The following TEX15 variants were observed in gnomAD, a reference collection of about 807,000 sequenced individuals.
TEX15 encodes testis-expressed protein 15.
A neutral mutation model predicts 237.3 loss-of-function variants in TEX15; 171 were observed. The ratio of observed to expected loss-of-function variants is 0.72; its 90% CI spans 0.64 to 0.82. The LOEUF (loss-of-function observed/expected upper bound fraction) is 0.82. TEX15 is among the 40% of genes least tolerant of loss of function. TEX15 has a pLI of 0.00. For missense variants in TEX15, 3,750 were observed against 3,646.5 expected, an observed-to-expected ratio of 1.03 and a Z score of -0.73; for synonymous variants, 1,338 against 1,269.8, an observed-to-expected ratio of 1.05 and a Z score of -1.14.
rs1362817335 is a variant in TEX15 at position 30,831,803 on chromosome 8, CTGAGGG to C, written c.*1477_*1482del. The C allele has an allele frequency of 2.0e-5, 3 of 152,204 alleles. No homozygotes were observed. Among genetic ancestry groups the C allele is most frequent in the African/African-American group, 7.2e-5 (3 of 41,534 alleles). The allele number at this position is 152,204 out of a possible 1,614,324, so 9.4% of individuals were successfully genotyped here. ...CCATAACCAAACATAAACCAAATGA[CTGAGGG>C]AAACATAAATCAAATGGCTGTTATT... On this transcript the variant is annotated 3_prime_UTR_variant, in exon 11 of 11. Transcript: ENST00000643185.
intron 2 of TEX15, among the ~76,000 whole-genome samples, chr8:30,897,217 GT>G (rs1004544503): frequency 1.3e-5 from 2 of 152,134 alleles, no homozygotes; most frequent in Non-Finnish European, 2.9e-5. Context: ...CCTCATTTGT[GT>G]TTTGGTAAGG....
rs953737744 is a variant in TEX15 at position 30,832,058 on chromosome 8, A to C, written c.*1228T>G. ...CTTTTTAAAGATCTCTATGTTAAAG[A>C]AGCAGCTTAGGTATTCTGAATTCCA... On this transcript the variant is annotated 3_prime_UTR_variant, in exon 11 of 11. Coordinates refer to ENST00000643185, the MANE Select transcript of TEX15 (RefSeq NM_001350162.2). 4 of 152,196 alleles carry C rather than the reference A, an allele frequency of 2.6e-5. No homozygotes were observed. The allele number at this position is 152,196 out of a possible 1,614,324, so 9.4% of individuals were successfully genotyped here.
chr8:30,866,625 CTT>C (rs1202941421), intron 5 of TEX15, among the ~76,000 whole-genome samples: 1 of 151,976 alleles, frequency 6.6e-6, no homozygotes, highest in Non-Finnish European at 1.5e-5. Context: ...ATGGATACTT[CTT>C]ATTCCAGAGA....
intron 5 of TEX15, among the ~76,000 whole-genome samples, chr8:30,860,608 A>G (rs1228896368): frequency 1.4e-5 from 2 of 138,806 alleles, no homozygotes; most frequent in South Asian, 4.5e-4. Flanking sequence ...TCTGTCACCC[A>G]GGCTGGAGTG....
chr8:30,846,555 G>C lies in TEX15; in HGVS notation c.3612C>G (p.Asp1204Glu), dbSNP rs200386594. The change falls in exon 8 of 11, where the codon GAC (aspartate) becomes GAG (glutamate). Residue 1204 changes from aspartate (D) to glutamate (E), a missense_variant. Transcript: ENST00000643185. ...NKEDGEILGF[D>E]IYSQPFGENA... ...TTTCACCAAAAGGCTGGGAATAAAT[G>C]TCAAATCCTAGAATTTCTCCATCTT... The C allele has an allele frequency of 4.3e-6, 7 of 1,613,760 alleles. No individual in the cohort carries two copies. Among genetic ancestry groups the C allele is most frequent in the Non-Finnish European group, 5.9e-6 (7 of 1,179,748 alleles).
chr8:30,867,234 A>G, intron 5 of TEX15, 31 bp downstream of exon 5: 1 of 1,077,928 alleles, frequency 9.3e-7, no homozygotes, highest in Non-Finnish European at 1.4e-6. Flanking sequence ...CAAACTGTCC[A>G]TATACTTAAT....
chr8:30,860,874 G>A (rs1475875769), intron 5 of TEX15, among the ~76,000 whole-genome samples: 1 of 151,924 alleles, frequency 6.6e-6, no homozygotes, highest in Non-Finnish European at 1.5e-5. Context: ...TAAAAATGGG[G>A]TTTAATTTTA....
Position 30,845,077 on chromosome 8 carries a change from G to T in TEX15, c.5090C>A (p.Thr1697Lys). Reference protein sequence around the residue: ...PIERPKQNIITGNFLMGPLNL... With the variant: ...PIERPKQNIIKGNFLMGPLNL... ...TAATGGGCCCATAAGGAAGTTTCCT[G>T]TAATAATGTTTTGTTTGGGTCTCTC... Residue 1697 changes from threonine to lysine, a missense_variant, in exon 8 of 11, where the codon ACA (threonine) becomes AAA (lysine). By Grantham distance (78) the Thr-to-Lys change is moderately conservative. Coordinates refer to ENST00000643185, the MANE Select transcript of TEX15 (RefSeq NM_001350162.2). 6.2e-7 allele frequency: 1 copy of T among 1,613,534 alleles called. No homozygotes were observed.
chr8:30,848,888 T>C lies in TEX15; in HGVS notation c.1279A>G (p.Thr427Ala). 6.2e-7 allele frequency: 1 copy of C among 1,614,168 alleles called. No individual in the cohort carries two copies. Among genetic ancestry groups the C allele is most frequent in the Non-Finnish European group, 8.5e-7 (1 of 1,180,032 alleles). ...CTTGGGTCTTTGATGGATTTTGAAG[T>C]AGTGACTGTGCTTGAGCCAGTATTG... ...HNNTGSSTVT[T>A]SKSIKDPRLM... Residue 427 changes from threonine (T) to alanine (A), a missense_variant, in exon 8 of 11, where the codon ACT becomes GCT. Transcript: ENST00000643185.
At chr8:30,902,032 A>T (rs548303579) in intron 1 of TEX15, among the ~76,000 whole-genome samples, 28 of 152,246 alleles carry the variant, frequency 1.8e-4, no homozygotes, top group African/African-American at 6.5e-4. Flanking sequence ...ACAACCTGGG[A>T]ACTTGTTGGC....
At chr8:30,861,622 T>G (rs747111335) in intron 5 of TEX15, among the ~76,000 whole-genome samples, 1 of 152,166 alleles carries the variant, frequency 6.6e-6, no homozygotes, top group Non-Finnish European at 1.5e-5. Flanking sequence ...TCATGCCATA[T>G]TTATGTAAAA....
Position 30,867,450 on chromosome 8 carries a change from A to T in TEX15, c.355T>A (p.Cys119Ser), listed in dbSNP as rs1808197521. ...TCACTCTGGGGAAGTGCTAAAAAGC[A>T]GAACTGTTCTTCAAGTTCCCTGCAA... ...RHCRELEEQF[C>S]FLALPQSDVA... Residue 119 changes from cysteine (C) to serine (S), a missense_variant, in exon 5 of 11, where the codon TGC becomes AGC. Physicochemically the swap from Cys to Ser is moderately radical, Grantham distance 112 (BLOSUM62 -1). Coordinates refer to ENST00000643185, the MANE Select transcript of TEX15 (RefSeq NM_001350162.2). The T allele has an allele frequency of 1.3e-6, 2 of 1,534,716 alleles. No individual in the cohort carries two copies. Among genetic ancestry groups the T allele is most frequent in the African/African-American group, 2.7e-5 (2 of 72,982 alleles).
At position 30,843,124 on chromosome 8, in the gene TEX15, T is replaced by C. The variant is rs775892106; in HGVS notation, c.7043A>G (p.Asn2348Ser). The change falls in exon 8 of 11, where the codon AAC becomes AGC. Residue 2348 changes from asparagine to serine, a missense_variant. Coordinates refer to ENST00000643185, the MANE Select transcript of TEX15 (RefSeq NM_001350162.2). Reference sequence around the variant, plus strand: ...ATTTTCTATGCTAATTGTTGCTTCGTTTATTGGATGATCTGACTTTCTGGA... The same window carrying C: ...ATTTTCTATGCTAATTGTTGCTTCGCTTATTGGATGATCTGACTTTCTGGA... ...IASRKSDHPI[N>S]EATISIENSK... is the part of the protein sequence containing the mutation. 2 of 1,613,198 alleles carry C rather than the reference T, an allele frequency of 1.2e-6. No individual in the cohort carries two copies.
chr8:30,870,719 A>G (rs1371471338), intron 4 of TEX15, among the ~76,000 whole-genome samples: 1 of 152,122 alleles, frequency 6.6e-6, no homozygotes, highest in Non-Finnish European at 1.5e-5. Flanking sequence ...GGATTCCACA[A>G]TATTTAAGAA....
intron 5 of TEX15, among the ~76,000 whole-genome samples, chr8:30,866,373 A>C (rs1253634515): frequency 8.5e-6 from 1 of 117,810 alleles, no homozygotes; most frequent in Non-Finnish European, 1.7e-5. Flanking sequence ...GGGAAGAGGA[A>C]GGGGAAGGGG....
chr8:30,840,218 T>C (rs1382383504), intron 8 of TEX15, among the ~76,000 whole-genome samples: 1 of 151,832 alleles, frequency 6.6e-6, no homozygotes, highest in Non-Finnish European at 1.5e-5. Flanking sequence ...TTTTTTGAGA[T>C]GGAGTCTCAT....
At chr8:30,883,269 G>A (rs951726436) in intron 3 of TEX15, among the ~76,000 whole-genome samples, 1 of 152,070 alleles carries the variant, frequency 6.6e-6, no homozygotes, top group African/African-American at 2.4e-5. Context: ...TTAAGTGTAG[G>A]CAGCTCTTTA....
chr8:30,860,016 A>C lies in TEX15; in HGVS notation c.582T>G (p.Asp194Glu). Residue 194 changes from aspartate (D) to glutamate (E), a missense_variant, in exon 6 of 11, where the codon GAT (aspartate) becomes GAG (glutamate). By Grantham distance (45) the Asp-to-Glu change is conservative. Transcript: ENST00000643185. Reference sequence around the variant, plus strand: ...AAGGATCCAAAGAAACTTTATTTTTATCCACAGAAGGTTGGATTTTCTTCA... The same window carrying C: ...AAGGATCCAAAGAAACTTTATTTTTCTCCACAGAAGGTTGGATTTTCTTCA... ...GKVKKIQPSV[D>E]KNKVSLDPSP... The C allele has an allele frequency of 6.6e-7, 1 of 1,507,620 alleles. No homozygotes were observed. The highest frequency in any genetic ancestry group is 1.3e-5 in the South Asian group (1 of 77,294). The allele number at this position is 1,507,620 out of a possible 1,614,324, so 93.4% of individuals were successfully genotyped here.
intron 1 of TEX15, among the ~76,000 whole-genome samples, chr8:30,902,563 T>C (rs913792476): frequency 3.9e-5 from 6 of 152,202 alleles, no homozygotes; most frequent in African/African-American, 1.4e-4. Context: ...CAATTCCTGG[T>C]ATACACATGC....
Sources: gnomAD v4.1 joint callset for allele counts (sites outside exome capture counted in the v4.1 genomes callset) on GRCh38, gnomAD v4.1.1 for gene constraint, MANE v1.5 for transcripts, NCBI Gene and HGNC (gene_info 2026-07-23, HGNC 2026-07-21) for gene names.